The following STMN4 variants were observed in gnomAD, a reference collection of about 807,000 sequenced individuals.
The protein encoded by STMN4 is stathmin 4, also known as stathmin-4.
Under a neutral mutation model 29.1 loss-of-function variants are expected in STMN4, and 12 were observed. That is an observed-to-expected ratio of 0.41 (90% CI 0.26 to 0.67). The LOEUF is 0.67. Ranked by LOEUF, STMN4 falls within the 30% of genes least tolerant of loss-of-function variation. STMN4 has a pLI of 0.30. For synonymous variants in STMN4, 114 were observed against 105.3 expected (o/e 1.08, Z -0.51); for missense variants, 181 against 262.8 (o/e 0.69, Z 2.15).
In STMN4 at chr8:27,257,804, C is replaced by T. The variant is rs1008755486; in HGVS notation, c.-79+547G>A. Reference sequence around the variant, plus strand: ...TCTGGCCAGGTAGGATTAGGCTGACCTCAGGGTGGGGCGGGGCCAAGAGGA... The same window carrying T: ...TCTGGCCAGGTAGGATTAGGCTGACTTCAGGGTGGGGCGGGGCCAAGAGGA... On this transcript the variant is annotated intron_variant, in intron 1 of 6. Transcript: ENST00000350889. Among the ~76,000 whole-genome samples, 7 of 152,256 alleles carry T rather than the reference C, an allele frequency of 4.6e-5. No homozygotes were observed. The East Asian group carries it at 1.4e-3, about 29-fold the overall frequency.
chr8:27,244,440 A>G (rs888933880), intron 1 of STMN4, among the ~76,000 whole-genome samples: 2 of 152,162 alleles, frequency 1.3e-5, no homozygotes, highest in African/African-American at 4.8e-5. Flanking sequence ...ACCACCAGAA[A>G]TCAGCGTGAG....
chr8:27,242,093 ATATC>A (rs1420741925), intron 3 of STMN4: 4 of 559,176 alleles, frequency 7.2e-6, no homozygotes, highest in Admixed American at 3.1e-5. Flanking sequence ...CACAGGTAGA[ATATC>A]TGTCTGGCTC....
intron 6 of STMN4, among the ~76,000 whole-genome samples, chr8:27,237,533 A>G (rs1004162005): frequency 6.6e-6 from 1 of 152,192 alleles, no homozygotes; most frequent in Non-Finnish European, 1.5e-5. Flanking sequence ...GGGATTACAG[A>G]TGTGAGCCAC....
chr8:27,238,885 C>T (rs956764989), intron 6 of STMN4, among the ~76,000 whole-genome samples: 1 of 152,264 alleles, frequency 6.6e-6, no homozygotes, highest in Non-Finnish European at 1.5e-5. Flanking sequence ...TATCCTGGGT[C>T]GAGCCTCAGT....
chr8:27,238,438 C>T (rs963363362), intron 6 of STMN4, among the ~76,000 whole-genome samples: 1 of 152,266 alleles, frequency 6.6e-6, no homozygotes, highest in Non-Finnish European at 1.5e-5. Flanking sequence ...TCTGACCTCA[C>T]ACCTCTTTGA....
intron 1 of STMN4, among the ~76,000 whole-genome samples, chr8:27,253,026 A>G (rs1801837151): frequency 6.6e-6 from 1 of 152,238 alleles, no homozygotes; most frequent in Non-Finnish European, 1.5e-5. Context: ...CAACCAATGA[A>G]CCTTGTAGAA....
At chr8:27,242,178 G>C (rs554176858) in intron 3 of STMN4, 6 of 591,006 alleles carry the variant, frequency 1.0e-5, no homozygotes, top group East Asian at 2.8e-5. Context: ...GTGCACTCTG[G>C]GGGGCGCCTG....
intron 6 of STMN4, 57 bp downstream of exon 6, chr8:27,239,914 C>T (rs779656656): frequency 9.9e-6 from 16 of 1,613,414 alleles, no homozygotes; most frequent in Admixed American, 1.7e-5. Flanking sequence ...CGCATACTTG[C>T]TGCAGAAGGA....
chr8:27,241,744 T>C lies in STMN4; in HGVS notation c.123A>G (p.Arg41=), dbSNP rs1470619196. 6.8e-6 allele frequency: 11 copies of C among 1,614,052 alleles called. No individual in the cohort carries two copies. ...GGCTTTCATCCTTCCTCCTACACTGTCTCCCACACCAGCCTAGACAGAAAA... is the reference window on the plus strand; with the variant it reads ...GGCTTTCATCCTTCCTCCTACACTGCCTCCCACACCAGCCTAGACAGAAAA... ...SSYKYEGWCG[R]QCRRKDESQR... The change falls in exon 4 of 7, where the codon AGA becomes AGG. Residue 41 remains arginine, a synonymous_variant. Coordinates refer to ENST00000350889, the MANE Select transcript of STMN4 (RefSeq NM_030795.4).
At chr8:27,244,381 A>G (rs1801564779) in intron 1 of STMN4, among the ~76,000 whole-genome samples, 2 of 152,172 alleles carry the variant, frequency 1.3e-5, no homozygotes, top group Non-Finnish European at 1.5e-5. Context: ...GGGACACAGG[A>G]AAGAAAAACA....
Position 27,240,076 on chromosome 8 carries a change from G to A in STMN4, c.486C>T (p.Asn162=). ...EVIQKAIEEN[N]NFIKMAKEKL... is the part of the protein sequence containing the mutation. Reference sequence around the variant, plus strand: ...TTTCCTTAGCCATCTTGATGAAGTTGTTGTTTTCCTCAATGGCCTTTTGGA... The same window carrying A: ...TTTCCTTAGCCATCTTGATGAAGTTATTGTTTTCCTCAATGGCCTTTTGGA... Residue 162 remains asparagine, a synonymous_variant, in exon 6 of 7, where the codon AAC becomes AAT. Coordinates refer to ENST00000350889, the MANE Select transcript of STMN4 (RefSeq NM_030795.4). The A allele has an allele frequency of 1.2e-6, 2 of 1,614,206 alleles. No homozygotes were observed. The highest frequency in any genetic ancestry group is 1.7e-6 in the Non-Finnish European group (2 of 1,180,032).
chr8:27,249,853 C>A lies in STMN4; in HGVS notation c.-78-6052G>T, dbSNP rs190585053. ...CTGACTGCCCATACGACAGAATGAA[C>A]AAGCATTTTATTGGTCACTGTAAGA... On this transcript the variant is annotated intron_variant, in intron 1 of 6. Coordinates refer to ENST00000350889, the MANE Select transcript of STMN4 (RefSeq NM_030795.4). Among the ~76,000 whole-genome samples, 15 of 152,322 alleles carry A rather than the reference C, an allele frequency of 9.8e-5. No individual in the cohort carries two copies. In the East Asian group the frequency reaches 1.7e-3, roughly 18 times the overall value.
chr8:27,249,418 C>T (rs1459794313), intron 1 of STMN4, among the ~76,000 whole-genome samples: 2 of 152,226 alleles, frequency 1.3e-5, no homozygotes, highest in Admixed American at 6.5e-5. Context: ...CAGAGGCTGG[C>T]GAGTCTAAAT....
Position 27,241,040 on chromosome 8 carries a change from G to A in STMN4, c.399+14C>T. 1 of 1,606,038 alleles carries A rather than the reference G, an allele frequency of 6.2e-7. No homozygotes were observed. The highest frequency in any genetic ancestry group is 1.3e-5 in the African/African-American group (1 of 74,710). On this transcript the variant is annotated intron_variant, in intron 5 of 6. Transcript: ENST00000350889. ...ATGCTGAGAGGGAGGAAAGAAGGAA[G>A]GGTCAGCATTTACCTTCCTTCGCTC... is the stretch of plus-strand genomic sequence containing the variant.
intron 2 of STMN4, 47 bp from the exon 3 acceptor site, chr8:27,242,539 A>G (rs1801507011): frequency 3.8e-6 from 6 of 1,596,176 alleles, no homozygotes; most frequent in Middle Eastern, 1.7e-4. Flanking sequence ...TCCTAGCCTC[A>G]GAAGTCAGCG....
Position 27,241,090 on chromosome 8 carries a change from G to T in STMN4, c.363C>A (p.Ile121=). The change falls in exon 5 of 7, where the codon ATC becomes ATA. Residue 121 remains isoleucine (I), a synonymous_variant. Coordinates refer to ENST00000350889, the MANE Select transcript of STMN4 (RefSeq NM_030795.4). The part of the protein sequence containing the change: ...PRRRDPSLEE[I]QKKLEAAEER... ...CCTCAGCCGCTTCTAGTTTCTTCTG[G>T]ATCTCTTCCAGGGATGGGTCTCGCC... The T allele has an allele frequency of 6.2e-7, 1 of 1,614,118 alleles. No homozygotes were observed.
chr8:27,236,841 A>C lies in STMN4; in HGVS notation c.*5T>G. 1 of 1,601,542 alleles carries C rather than the reference A, an allele frequency of 6.2e-7. No homozygotes were observed. The highest frequency in any genetic ancestry group is 8.5e-7 in the Non-Finnish European group (1 of 1,174,742). On this transcript the variant is annotated 3_prime_UTR_variant, in exon 7 of 7. Coordinates refer to ENST00000350889, the MANE Select transcript of STMN4 (RefSeq NM_030795.4). ...TGACCTGGAAAGTTCTTTGGCCTCTAGGCTTTACCTGGAGGCCTCTTCCTT... is the reference window on the plus strand; with the variant it reads ...TGACCTGGAAAGTTCTTTGGCCTCTCGGCTTTACCTGGAGGCCTCTTCCTT...
intron 1 of STMN4, among the ~76,000 whole-genome samples, chr8:27,249,950 C>G (rs761043732): frequency 2.6e-5 from 4 of 152,184 alleles, no homozygotes; most frequent in Non-Finnish European, 5.9e-5. Context: ...GCAGATAATG[C>G]ATGTCCCAGT....
intron 1 of STMN4, among the ~76,000 whole-genome samples, chr8:27,252,337 G>A (rs944745706): frequency 6.6e-6 from 1 of 152,196 alleles, no homozygotes; most frequent in Non-Finnish European, 1.5e-5. Flanking sequence ...GTAATGGGAT[G>A]GCTGGGTCAA....
Sources: gnomAD v4.1 joint callset for allele counts (sites outside exome capture counted in the v4.1 genomes callset) on GRCh38, gnomAD v4.1.1 for gene constraint, MANE v1.5 for transcripts, NCBI Gene and HGNC (gene_info 2026-07-23, HGNC 2026-07-21) for gene names.